RTCA: variants seen among roughly 807,000 people sequenced by gnomAD.
RTCA encodes the protein RNA 3'-terminal phosphate cyclase.
A neutral mutation model predicts 46.1 loss-of-function variants in RTCA; 37 were observed. The ratio of observed to expected loss-of-function variants is 0.80; its 90% CI spans 0.62 to 1.06. The LOEUF (loss-of-function observed/expected upper bound fraction) is 1.06. Ranked by LOEUF, RTCA falls within the 50% of genes least tolerant of loss-of-function variation. RTCA has a pLI of 0.00. For synonymous variants in RTCA, 164 were observed against 158.3 expected (o/e 1.04, Z -0.27); for missense variants, 435 against 455.5 (o/e 0.95, Z 0.41).
At position 100,266,281 on chromosome 1, in the gene RTCA, A is replaced by G. The variant is rs1665763579; in HGVS notation, c.-95A>G. ...GCTCCTGCGCCCCAGGCATGAACCAAGGTTTCTGAACTACTGGGCGGGAGC... is the reference window on the plus strand; with the variant it reads ...GCTCCTGCGCCCCAGGCATGAACCAGGGTTTCTGAACTACTGGGCGGGAGC... On this transcript the variant is annotated 5_prime_UTR_variant, in exon 1 of 11. Transcript: ENST00000370128. The G allele has an allele frequency of 1.1e-5, 16 of 1,495,522 alleles. No homozygotes were observed. In the East Asian group the frequency reaches 3.6e-4, roughly 34 times the overall value. The allele number at this position is 1,495,522 out of a possible 1,614,324, so 92.6% of individuals were successfully genotyped here.
intron 10 of RTCA, among the ~76,000 whole-genome samples, chr1:100,290,024 T>C (rs916521346): frequency 5.9e-5 from 9 of 152,224 alleles, no homozygotes; most frequent in African/African-American, 2.2e-4. Flanking sequence ...CATATATTAC[T>C]AATTAATTAA....
chr1:100,289,333 G>T (rs1667227326), intron 10 of RTCA, among the ~76,000 whole-genome samples: 1 of 151,356 alleles, frequency 6.6e-6, no homozygotes, highest in African/African-American at 2.4e-5. Flanking sequence ...TTGAGAGACG[G>T]GATCTCCCTG....
chr1:100,283,159 CCTT>C (rs1307323179), intron 8 of RTCA, among the ~76,000 whole-genome samples: 4 of 105,878 alleles, frequency 3.8e-5, no homozygotes, highest in Non-Finnish European at 7.5e-5. Flanking sequence ...TCCAAATATT[CCTT>C]TTTTTTTTTT....
chr1:100,283,237 C>T lies in RTCA; in HGVS notation c.800-1991C>T, dbSNP rs141598346. 3.2e-3 allele frequency among the ~76,000 whole-genome samples: 451 copies of T among 140,264 alleles called. 3 individuals carry two copies. The highest frequency in any genetic ancestry group is 0.012 in the African/African-American group (436 of 37,648). The allele number at this position is 140,264 out of a possible 152,430, so 92.0% of individuals were successfully genotyped here. ...CCAGGCTGGAGTGCAGTGGCACGAT[C>T]TCAGCTCACCATAACCTCCGCCTCC... is the stretch of plus-strand genomic sequence containing the variant. On this transcript the variant is annotated intron_variant, in intron 8 of 10. Coordinates refer to ENST00000370128, the MANE Select transcript of RTCA (RefSeq NM_003729.4).
intron 4 of RTCA, among the ~76,000 whole-genome samples, chr1:100,271,492 T>A (rs1666090230): frequency 6.6e-6 from 1 of 152,076 alleles, no homozygotes; most frequent in African/African-American, 2.4e-5. Flanking sequence ...ACCTCGAGTG[T>A]GATATAAATT....
intron 4 of RTCA, among the ~76,000 whole-genome samples, chr1:100,272,664 T>C (rs1176342621): frequency 6.6e-6 from 1 of 152,176 alleles, no homozygotes; most frequent in African/African-American, 2.4e-5. Context: ...TTCTCTGAAA[T>C]ATTGCCATTC....
intron 8 of RTCA, among the ~76,000 whole-genome samples, chr1:100,281,584 A>G (rs1187807903): frequency 2.6e-5 from 4 of 152,194 alleles, no homozygotes; most frequent in Non-Finnish European, 5.9e-5. Flanking sequence ...GAGCAAAATA[A>G]TCTGCTGAAA....
intron 7 of RTCA, 141 bp from the exon 8 acceptor site, chr1:100,277,117 C>G (rs1330914753): frequency 2.8e-6 from 2 of 712,446 alleles, no homozygotes; most frequent in East Asian, 2.6e-5. Flanking sequence ...TCATACCACT[C>G]TATATGAAGA....
chr1:100,284,159 T>C (rs1666899263), intron 8 of RTCA, among the ~76,000 whole-genome samples: 1 of 152,012 alleles, frequency 6.6e-6, no homozygotes, highest in Admixed American at 6.6e-5. Flanking sequence ...AATAATAATG[T>C]GGCATTCTAC....
rs1047461417 is a variant in RTCA, at chr1:100,266,530, C to A, written c.52C>A (p.Gln18Lys). ...VDGSIMEGGG[Q>K]ILRVSTALSC... Reference sequence around the variant, plus strand: ...TGTACCCCAACCTTTGCAGGGCGGCCAGATCCTGAGAGTCTCTACGGCCTT... The same window carrying A: ...TGTACCCCAACCTTTGCAGGGCGGCAAGATCCTGAGAGTCTCTACGGCCTT... The change falls in exon 2 of 11, where the codon CAG becomes AAG. Residue 18 changes from glutamine (Q) to lysine (K), a missense_variant. Transcript: ENST00000370128. 1 of 1,613,094 alleles carries A rather than the reference C, an allele frequency of 6.2e-7. No individual in the cohort carries two copies.
chr1:100,266,769 C>T, intron 2 of RTCA, 145 bp downstream of exon 2: 1 of 661,690 alleles, frequency 1.5e-6, no homozygotes, highest in Non-Finnish European at 2.6e-6. Context: ...GGCACTCTGC[C>T]TGGGCGGTGG....
At chr1:100,275,428 A>G (rs1666318324) in intron 6 of RTCA, among the ~76,000 whole-genome samples, 171 bp from the exon 7 acceptor site, 2 of 152,382 alleles carry the variant, frequency 1.3e-5, no homozygotes, top group South Asian at 4.1e-4. Flanking sequence ...TAACAAAAAT[A>G]AAATTAATTT....
intron 3 of RTCA, 122 bp from the exon 4 acceptor site, chr1:100,270,435 C>T: frequency 8.5e-7 from 1 of 1,170,772 alleles, no homozygotes; most frequent in Non-Finnish European, 1.2e-6. Context: ...TGGCATATAC[C>T]TGCCTTCACA....
At chr1:100,269,245 C>A (rs1192524348) in intron 3 of RTCA, among the ~76,000 whole-genome samples, 2 of 151,964 alleles carry the variant, frequency 1.3e-5, no homozygotes, top group Non-Finnish European at 2.9e-5. Flanking sequence ...TGAAATTCAT[C>A]ATGTTACATA....
At chr1:100,277,805 G>C (rs189549292) in intron 8 of RTCA, among the ~76,000 whole-genome samples, 178 of 151,120 alleles carry the variant, frequency 1.2e-3, no homozygotes, top group African/African-American at 4.0e-3. Context: ...TTTTTTTTGG[G>C]GGGGGGCACA....
Position 100,266,543 on chromosome 1 carries a change from T to G in RTCA, c.65T>G (p.Val22Gly), listed in dbSNP as rs1212011184. The G allele has an allele frequency of 1.2e-6, 2 of 1,613,434 alleles. No individual in the cohort carries two copies. The highest frequency in any genetic ancestry group is 2.7e-5 in the African/African-American group (2 of 75,012). Residue 22 changes from valine (V) to glycine (G), a missense_variant, in exon 2 of 11, where the codon GTC becomes GGC. By Grantham distance (109) the Val-to-Gly change is moderately radical. Transcript: ENST00000370128. ...TTGCAGGGCGGCCAGATCCTGAGAGTCTCTACGGCCTTGAGCTGTCTCCTA... is the reference window on the plus strand; with the variant it reads ...TTGCAGGGCGGCCAGATCCTGAGAGGCTCTACGGCCTTGAGCTGTCTCCTA... ...IMEGGGQILRVSTALSCLLGL... is the reference protein window; with the variant it reads ...IMEGGGQILRGSTALSCLLGL...
At chr1:100,267,095 T>C (rs1467314399) in intron 2 of RTCA, 1 of 217,976 alleles carries the variant, frequency 4.6e-6, no homozygotes, top group African/African-American at 2.3e-5. Context: ...AGAGAGCTGT[T>C]ATGACCAGAA....
intron 2 of RTCA, 101 bp downstream of exon 2, chr1:100,266,725 G>A: frequency 1.0e-6 from 1 of 989,536 alleles, no homozygotes; most frequent in Admixed American, 2.1e-5. Context: ...GAACCCAGAA[G>A]GTCCCAGACG....
chr1:100,284,097 AG>A (rs1393150629), intron 8 of RTCA, among the ~76,000 whole-genome samples: 1 of 151,996 alleles, frequency 6.6e-6, no homozygotes, highest in Non-Finnish European at 1.5e-5. Flanking sequence ...ATTTTTCATA[AG>A]ACGTTTTCAT....
Sources: gnomAD v4.1 joint callset for allele counts (sites outside exome capture counted in the v4.1 genomes callset) on GRCh38, gnomAD v4.1.1 for gene constraint, MANE v1.5 for transcripts, NCBI Gene and HGNC (gene_info 2026-07-23, HGNC 2026-07-21) for gene names.